TLN2: variants seen among roughly 807,000 people sequenced by gnomAD.
The protein encoded by TLN2 is talin-2.
In TLN2, 118 loss-of-function variants were observed where a neutral mutation model predicts 294.7. That is an observed-to-expected ratio of 0.40 (90% CI 0.34 to 0.47). The LOEUF (loss-of-function observed/expected upper bound fraction) is 0.47, where lower values mean the gene tolerates loss of function less well. Among genes scored for constraint, TLN2 ranks in the 20% least tolerant of loss-of-function variants. TLN2 has a pLI of 0.84. For synonymous variants in TLN2, 1,431 were observed against 1,304.5 expected, an observed-to-expected ratio of 1.10 and a Z score of -2.09; for missense variants, 3,083 against 3,282.2, an observed-to-expected ratio of 0.94 and a Z score of 1.48.
At chr15:62,583,752 C>T (rs753467329) in intron 1 of TLN2, among the ~76,000 whole-genome samples, 1 of 152,170 alleles carries the variant, frequency 6.6e-6, no homozygotes, top group Non-Finnish European at 1.5e-5. Flanking sequence ...GGGGATATGG[C>T]TTTGTACCAA....
intron 1 of TLN2, among the ~76,000 whole-genome samples, chr15:62,483,568 TTCTG>T (rs2038224079): frequency 6.6e-6 from 1 of 152,212 alleles, no homozygotes; most frequent in East Asian, 1.9e-4. Context: ...CTGCTCTTTT[TTCTG>T]GGTCTACCTT....
At chr15:62,692,765 A>G (rs2058028699) in intron 12 of TLN2, 75 bp from the exon 13 acceptor site, 2 of 1,128,110 alleles carry the variant, frequency 1.8e-6, no homozygotes, top group Non-Finnish European at 2.7e-6. Context: ...ATATTGTTCT[A>G]GAGCTGGACC....
chr15:62,752,318 C>T lies in TLN2; in HGVS notation c.4223C>T (p.Ser1408Leu), dbSNP rs768659155. The change falls in exon 35 of 59, where the codon TCG (serine) becomes TTG (leucine). Residue 1408 changes from serine to leucine, a missense_variant. Ser to Leu is a moderately radical substitution (Grantham distance 145, BLOSUM62 -2). Transcript: ENST00000636159. Reference protein sequence around the residue: ...VMENSKVLGESMAGISQNAKT... With the variant: ...VMENSKVLGELMAGISQNAKT... ...TTTGTTTTGCAGGTTCTGGGTGAAT[C>T]GATGGCAGGGATTTCACAGAATGCC... 4.3e-6 allele frequency: 7 copies of T among 1,613,914 alleles called. No homozygotes were observed. Among genetic ancestry groups the T allele is most frequent in the South Asian group, 1.1e-5 (1 of 91,060 alleles).
chr15:62,390,995 G>A (rs556117155), intron 1 of TLN2, among the ~76,000 whole-genome samples: 3 of 152,378 alleles, frequency 2.0e-5, no homozygotes, highest in South Asian at 2.1e-4. Context: ...CGGCGCCAGA[G>A]AGCGGATTCC....
chr15:62,754,003 A>T (rs1245905819), intron 36 of TLN2, 87 bp downstream of exon 36: 1 of 1,378,772 alleles, frequency 7.3e-7, no homozygotes, highest in African/African-American at 1.5e-5. Flanking sequence ...TTAGTAAAGA[A>T]TCTTGTTCTT....
Position 62,708,675 on chromosome 15 carries a change from T to G in TLN2, c.2346T>G (p.His782Gln), listed in dbSNP as rs1438364626. ...CCAGCGTGGTCAGCCAGGCCCTCCA[T>G]GATCTCCTGCAGCATGTGCGGCAGT... ...AAASVVSQAL[H>Q]DLLQHVRQFA... The change falls in exon 21 of 59, where the codon CAT becomes CAG. Residue 782 changes from histidine (H) to glutamine (Q), a missense_variant. His to Gln is a conservative substitution (Grantham distance 24). Transcript: ENST00000636159. 1.2e-6 allele frequency: 2 copies of G among 1,614,106 alleles called. No individual in the cohort carries two copies. Among genetic ancestry groups the G allele is most frequent in the Non-Finnish European group, 1.7e-6 (2 of 1,180,036 alleles).
At chr15:62,400,070 G>A (rs539987130) in intron 1 of TLN2, among the ~76,000 whole-genome samples, 3 of 152,318 alleles carry the variant, frequency 2.0e-5, no homozygotes, top group South Asian at 2.1e-4. Flanking sequence ...TTATGGGGGC[G>A]GTTACCGCCA....
At chr15:62,405,834 T>G (rs1595734391) in intron 1 of TLN2, among the ~76,000 whole-genome samples, 1 of 152,092 alleles carries the variant, frequency 6.6e-6, no homozygotes. Flanking sequence ...TGTTGGCTGG[T>G]TTTTGCTGGT....
At chr15:62,470,627 G>T (rs1046674676) in intron 1 of TLN2, among the ~76,000 whole-genome samples, 1 of 152,228 alleles carries the variant, frequency 6.6e-6, no homozygotes, top group Non-Finnish European at 1.5e-5. Flanking sequence ...CTGGGCAGGT[G>T]AGAATGGTAT....
intron 1 of TLN2, among the ~76,000 whole-genome samples, chr15:62,458,831 C>T (rs1224930136): frequency 6.6e-6 from 1 of 151,984 alleles, no homozygotes; most frequent in African/African-American, 2.4e-5. Context: ...CCTTGCATGT[C>T]CCTGCTTACT....
intron 42 of TLN2, among the ~76,000 whole-genome samples, chr15:62,773,492 G>GC (rs2063488977): frequency 6.6e-6 from 1 of 152,066 alleles, no homozygotes; most frequent in Non-Finnish European, 1.5e-5. Context: ...GACAGGCTTA[G>GC]CCCAAAGTGC....
At chr15:62,731,627 C>T (rs2060731143) in intron 28 of TLN2, among the ~76,000 whole-genome samples, 1 of 152,114 alleles carries the variant, frequency 6.6e-6, no homozygotes, top group African/African-American at 2.4e-5. Context: ...TTTTCTCTTC[C>T]TAGCCCCATG....
chr15:62,464,190 T>C (rs1312217882), intron 1 of TLN2, among the ~76,000 whole-genome samples: 1 of 152,176 alleles, frequency 6.6e-6, no homozygotes, highest in East Asian at 1.9e-4. Context: ...CTATCAGTGA[T>C]GGACTGGATT....
At chr15:62,739,245 A>G in intron 30 of TLN2, 103 bp from the exon 31 acceptor site, 2 of 1,314,700 alleles carry the variant, frequency 1.5e-6, no homozygotes, top group South Asian at 3.0e-5. Flanking sequence ...GTGATGACTC[A>G]AATGCATCTC....
intron 29 of TLN2, among the ~76,000 whole-genome samples, chr15:62,737,335 T>G (rs2061080135): frequency 6.6e-6 from 1 of 152,238 alleles, no homozygotes; most frequent in Non-Finnish European, 1.5e-5. Flanking sequence ...GCCTTTGAAT[T>G]CTGTCCTTGG....
intron 36 of TLN2, chr15:62,754,618 A>G (rs2062123679): frequency 6.6e-6 from 1 of 152,514 alleles, no homozygotes; most frequent in South Asian, 2.1e-4. Flanking sequence ...CCCACCATCA[A>G]CCTGGGGCCC....
intron 19 of TLN2, among the ~76,000 whole-genome samples, chr15:62,704,152 TA>T (rs1479238001): frequency 6.6e-6 from 1 of 152,084 alleles, no homozygotes; most frequent in Non-Finnish European, 1.5e-5. Flanking sequence ...ATTATTTATT[TA>T]TATATATAAT....
At chr15:62,723,707 A>T (rs966921367) in intron 26 of TLN2, among the ~76,000 whole-genome samples, 22 of 151,102 alleles carry the variant, frequency 1.5e-4, no homozygotes, top group African/African-American at 5.4e-4. Flanking sequence ...ACATCCAATT[A>T]ATTTTTTTTG....
chr15:62,838,805 G>T (rs761067958), intron 57 of TLN2, 51 bp from the exon 58 acceptor site: 83 of 1,599,008 alleles, frequency 5.2e-5, no homozygotes. Flanking sequence ...TTCTTGCCAG[G>T]CCCAAATGGC....
Sources: allele counts gnomAD v4.1 joint callset (sites outside exome capture counted in the v4.1 genomes callset), GRCh38; gene constraint gnomAD v4.1.1; transcripts MANE v1.5; gene names NCBI Gene and HGNC (gene_info 2026-07-23, HGNC 2026-07-21).